EPHA8: variants seen among roughly 807,000 people sequenced by gnomAD.
The protein encoded by EPHA8 is EPH receptor A8, also known as ephrin type-A receptor 8.
In EPHA8, 58 loss-of-function variants were observed where a neutral mutation model predicts 103.6. The ratio of observed to expected loss-of-function variants is 0.56; its 90% CI spans 0.45 to 0.70. The LOEUF (loss-of-function observed/expected upper bound fraction) is 0.70. Ranked by LOEUF, EPHA8 falls within the 30% of genes least tolerant of loss-of-function variation. EPHA8 has a pLI of 0.00. For synonymous variants in EPHA8, 559 were observed against 572.5 expected (o/e 0.98, Z 0.34); for missense variants, 1,304 against 1,395.2 (o/e 0.93, Z 1.04).
At chr1:22,601,594 G>A (rs1641736305) in intron 16 of EPHA8, 33 bp from the exon 17 acceptor site, 2 of 1,581,548 alleles carry the variant, frequency 1.3e-6, no homozygotes, top group Non-Finnish European at 1.7e-6. Context: ...AGCCTCCCAG[G>A]CCCAGCTGGC....
chr1:22,599,823 AAGGG>A (rs1350662747), intron 13 of EPHA8, among the ~76,000 whole-genome samples: 7 of 268 alleles, frequency 0.026, no homozygotes, highest in South Asian at 0.19. Context: ...AGAAGAAAGG[AAGGG>A]AGGGGAGGGA....
At chr1:22,595,727 T>C (rs1485880891) in intron 8 of EPHA8, among the ~76,000 whole-genome samples, 2 of 152,090 alleles carry the variant, frequency 1.3e-5, no homozygotes, top group African/African-American at 4.8e-5. Flanking sequence ...GATGGAGAAA[T>C]GGAGACCCAG....
At chr1:22,578,875 C>G (rs1260440417) in intron 3 of EPHA8, among the ~76,000 whole-genome samples, 1,056 of 105,094 alleles carry the variant, frequency 0.01, 10 homozygotes, top group African/African-American at 0.054. Flanking sequence ...ATGCACGTGT[C>G]CGTGTGTCCG....
At chr1:22,581,153 A>T (rs1013091731) in intron 3 of EPHA8, among the ~76,000 whole-genome samples, 6 of 152,176 alleles carry the variant, frequency 3.9e-5, no homozygotes, top group African/African-American at 1.4e-4. Context: ...CCCTCAACTT[A>T]AGTAGCAGAG....
intron 2 of EPHA8, among the ~76,000 whole-genome samples, chr1:22,570,283 C>CGCGTACACACACATGCACACGTGT (rs1640491180): frequency 2.0e-5 from 3 of 151,928 alleles, no homozygotes; most frequent in Non-Finnish European, 4.4e-5. Flanking sequence ...CACATGCACG[C>CGCGTACACACACATGCACACGTGT]GCGTACACAC....
At position 22,569,245 on chromosome 1, in the gene EPHA8, A is replaced by C. The variant is rs773051934; in HGVS notation, c.95-44A>C. On this transcript the variant is annotated intron_variant, in intron 1 of 16. Coordinates refer to ENST00000166244, the MANE Select transcript of EPHA8 (RefSeq NM_020526.5). This position sits in a 1 kb window ranked among gnomAD's most constrained non-coding sequence, Gnocchi z 4.5. ...TCAGGCTGCTCTTGAGGAGCTGGGG[A>C]GAAGTCAGAGGGGCCTGATGCCCTC... is the stretch of plus-strand genomic sequence containing the variant. The C allele has an allele frequency of 2.4e-5, 39 of 1,607,784 alleles. No individual in the cohort carries two copies. Among genetic ancestry groups the C allele is most frequent in the Non-Finnish European group, 3.2e-5 (38 of 1,175,064 alleles).
chr1:22,594,482 C>T (rs865918848), intron 7 of EPHA8, among the ~76,000 whole-genome samples: 1 of 152,230 alleles, frequency 6.6e-6, no homozygotes, highest in Non-Finnish European at 1.5e-5. Context: ...TGTGGGTGGG[C>T]CCAGCCATTT....
intron 3 of EPHA8, among the ~76,000 whole-genome samples, chr1:22,582,927 G>A (rs979472515): frequency 5.3e-5 from 8 of 152,256 alleles, no homozygotes; most frequent in African/African-American, 7.2e-5. Flanking sequence ...ATTTCGGAGG[G>A]GGAGCAGGAA....
Position 22,599,062 on chromosome 1 carries a change from C to G in EPHA8, c.2388+15C>G, listed in dbSNP as rs116491183. The G allele has an allele frequency of 7.5e-4, 1,179 of 1,581,234 alleles. 10 individuals carry two copies. In the African/African-American group the frequency reaches 0.012, roughly 16 times the overall value. The stretch of plus-strand genomic sequence containing the variant: ...ACACCACCACGGTGCGTCGCCCACA[C>G]TCCTTCCGGCTAGACTGGGGAGTGG... On this transcript the variant is annotated intron_variant, in intron 13 of 16. Transcript: ENST00000166244.
At position 22,567,758 on chromosome 1, in the gene EPHA8, C is replaced by T. The variant is rs1640409303; in HGVS notation, c.95-1531C>T. On this transcript the variant is annotated intron_variant, in intron 1 of 16. Coordinates refer to ENST00000166244, the MANE Select transcript of EPHA8 (RefSeq NM_020526.5). The surrounding 1 kb of genome is among the most constrained non-coding windows in gnomAD (Gnocchi z 4.2). Reference sequence around the variant, plus strand: ...TCTCAGGCAGAAGGACACCCAGCCTCCCCACGGGAAAGTTCCAGGAGAGCT... The same window carrying T: ...TCTCAGGCAGAAGGACACCCAGCCTTCCCACGGGAAAGTTCCAGGAGAGCT... 6.6e-6 allele frequency among the ~76,000 whole-genome samples: 1 copy of T among 152,190 alleles called. No homozygotes were observed. The highest frequency in any genetic ancestry group is 1.5e-5 in the Non-Finnish European group (1 of 68,042).
intron 2 of EPHA8, among the ~76,000 whole-genome samples, chr1:22,574,982 G>A (rs182388337): frequency 4.1e-4 from 62 of 151,980 alleles, no homozygotes; most frequent in African/African-American, 1.4e-3. Flanking sequence ...AGGGAGTCTC[G>A]CTCTGTTGCT....
rs1641312405 is a variant in EPHA8 at position 22,589,293 on chromosome 1, G to C, written c.1315+87G>C. The C allele has an allele frequency of 6.2e-7, 1 of 1,613,024 alleles. No homozygotes were observed. Among genetic ancestry groups the C allele is most frequent in the African/African-American group, 1.3e-5 (1 of 74,956 alleles). ...ATCCAGGGATCAGAGCTCTGCCGGG[G>C]ACGTGCTGTGGGCCTTTAGGCAAGT... On this transcript the variant is annotated intron_variant, in intron 5 of 16. Transcript: ENST00000166244. This position sits in a 1 kb window ranked among gnomAD's most constrained non-coding sequence, Gnocchi z 4.3.
rs1421516255 is a variant in EPHA8 at position 22,569,734 on chromosome 1, G to C, written c.159+381G>C. On this transcript the variant is annotated intron_variant, in intron 2 of 16. Coordinates refer to ENST00000166244, the MANE Select transcript of EPHA8 (RefSeq NM_020526.5). The surrounding 1 kb of genome is among the most constrained non-coding windows in gnomAD (Gnocchi z 4.5). ...GGCCTCACCAGTCCTCCGACCTCTG[G>C]AGTCTCTGCTTGTCTGTCTCCCCAA... Among the ~76,000 whole-genome samples the C allele has an allele frequency of 6.6e-6, 1 of 151,972 alleles. No individual in the cohort carries two copies. Among genetic ancestry groups the C allele is most frequent in the Admixed American group, 6.6e-5 (1 of 15,264 alleles).
rs376201963 is a variant in EPHA8, at chr1:22,597,431, G to A, written c.1885G>A (p.Glu629Lys). 2.5e-6 allele frequency: 4 copies of A among 1,613,548 alleles called. No homozygotes were observed. The East Asian group carries it at 6.7e-5, about 27-fold the overall frequency. Reference protein sequence around the residue: ...PGRAGRSFTREIEASRIHIEK... With the variant: ...PGRAGRSFTRKIEASRIHIEK... The stretch of plus-strand genomic sequence containing the variant: ...CCGGGCGGGCCGCAGTTTCACTCGG[G>A]AGATCGAGGCCTCTAGGATCCACAT... The change falls in exon 10 of 17, where the codon GAG becomes AAG. Residue 629 changes from glutamate (E) to lysine (K), a missense_variant. Glu to Lys is a moderately conservative substitution (Grantham distance 56). Transcript: ENST00000166244. This position sits in a 1 kb window ranked among gnomAD's most constrained non-coding sequence, Gnocchi z 4.6.
chr1:22,573,167 A>G (rs1640589700), intron 2 of EPHA8, among the ~76,000 whole-genome samples: 2 of 151,974 alleles, frequency 1.3e-5, no homozygotes, highest in African/African-American at 2.4e-5. Flanking sequence ...GGAAGCCTAA[A>G]CTCTTTCAGG....
At chr1:22,584,885 G>A (rs482156) in intron 3 of EPHA8, among the ~76,000 whole-genome samples, 46,894 of 152,030 alleles carry the variant, frequency 0.31, 8,867 homozygotes, top group African/African-American at 0.54. Context: ...TAAGGGAGTC[G>A]TACTCTGTTT....
chr1:22,588,930 G>A lies in EPHA8; in HGVS notation c.1039G>A (p.Glu347Lys), dbSNP rs1227183854. 6.2e-7 allele frequency: 1 copy of A among 1,610,636 alleles called. No individual in the cohort carries two copies. The highest frequency in any genetic ancestry group is 1.7e-5 in the Admixed American group (1 of 60,010). Residue 347 changes from glutamate (E) to lysine (K), a missense_variant, in exon 5 of 17, where the codon GAG becomes AAG. Glu to Lys is a moderately conservative substitution (Grantham distance 56). Coordinates refer to ENST00000166244, the MANE Select transcript of EPHA8 (RefSeq NM_020526.5). The part of the protein sequence containing the change: ...SSVNGTSVTL[E>K]WAPPLDPGGR... ...TGTGAATGGGACATCAGTGACTCTG[G>A]AGTGGGCCCCTCCCCTGGACCCAGG...
chr1:22,587,849 C>T (rs1037706144), intron 4 of EPHA8, among the ~76,000 whole-genome samples: 2 of 152,156 alleles, frequency 1.3e-5, no homozygotes, highest in Admixed American at 6.5e-5. Context: ...ACACACCCAC[C>T]CTCCCTCCAC....
intron 3 of EPHA8, among the ~76,000 whole-genome samples, chr1:22,580,842 T>A (rs1641024627): frequency 6.6e-6 from 1 of 152,238 alleles, no homozygotes; most frequent in South Asian, 2.1e-4. Flanking sequence ...AAGACAGGTC[T>A]GTATTGCTCT....
Sources: allele counts gnomAD v4.1 joint callset (sites outside exome capture counted in the v4.1 genomes callset), GRCh38; gene constraint gnomAD v4.1.1; non-coding constraint Gnocchi (gnomAD v3.1); transcripts MANE v1.5; gene names NCBI Gene and HGNC (gene_info 2026-07-23, HGNC 2026-07-21).